GLUD1: variants seen among roughly 807,000 people sequenced by gnomAD.
GLUD1 encodes glutamate dehydrogenase 1, mitochondrial.
In GLUD1, 22 loss-of-function variants were observed where a neutral mutation model predicts 56.0. The ratio of observed to expected loss-of-function variants is 0.39; its 90% CI spans 0.28 to 0.56. The LOEUF (loss-of-function observed/expected upper bound fraction) is 0.56. Among genes scored for constraint, GLUD1 ranks in the 20% least tolerant of loss-of-function variants. The pLI, the probability that GLUD1 is intolerant of heterozygous loss-of-function variation, is 0.58. For synonymous variants in GLUD1, 223 were observed against 269.9 expected (o/e 0.83, Z 1.70); for missense variants, 451 against 732.0 (o/e 0.62, Z 4.43).
intron 1 of GLUD1, among the ~76,000 whole-genome samples, chr10:87,091,311 G>A (rs868540547): frequency 2.0e-5 from 3 of 152,082 alleles, no homozygotes; most frequent in Admixed American, 6.6e-5. Flanking sequence ...TTATCAATCT[G>A]TACTTTCCCT....
At position 87,094,085 on chromosome 10, in the gene GLUD1, T is replaced by G; in HGVS notation, c.445+240A>C. On this transcript the variant is annotated intron_variant, in intron 1 of 12. Transcript: ENST00000277865. The surrounding 1 kb of genome is among the most constrained non-coding windows in gnomAD (Gnocchi z 6.6). ...CTACTCTGCATGCAAGATCAGCATA[T>G]ACAGAGGCCCGGGGTGACGGCGCGG... 1 of 1,514,200 alleles carries G rather than the reference T, an allele frequency of 6.6e-7. No homozygotes were observed. Among genetic ancestry groups the G allele is most frequent in the Non-Finnish European group, 8.8e-7 (1 of 1,133,744 alleles). The allele number at this position is 1,514,200 out of a possible 1,614,324, so 93.8% of individuals were successfully genotyped here. A position where few individuals can be genotyped will look rare whatever the true frequency, so the allele number is the denominator to read the frequency against.
At chr10:87,059,936 CT>C (rs1845883769) in intron 9 of GLUD1, among the ~76,000 whole-genome samples, 1 of 152,102 alleles carries the variant, frequency 6.6e-6, no homozygotes, top group South Asian at 2.1e-4. Flanking sequence ...TCTTAGAAGG[CT>C]AAAGACATTC....
chr10:87,052,626 C>T (rs888051603), intron 12 of GLUD1, among the ~76,000 whole-genome samples: 1 of 136,356 alleles, frequency 7.3e-6, no homozygotes, highest in African/African-American at 2.8e-5. Flanking sequence ...GCTGAAAGTG[C>T]GCCACTGCAC....
rs985309078 is a variant in GLUD1, at chr10:87,060,549, T to TG, written c.1197+138dup. The TG allele has an allele frequency of 1.5e-5, 16 of 1,080,448 alleles. No homozygotes were observed. The African/African-American group carries it at 2.5e-4, about 17-fold the overall frequency. 66.9% of individuals were successfully genotyped at this position (1,080,448 alleles called of 1,614,324 possible). On this transcript the variant is annotated intron_variant, in intron 8 of 12. Transcript: ENST00000277865. ...AAGCCATTAAATTATGTACCTTAAATGGGGGAACTGTATGGTATGTGCAGT... is the reference window on the plus strand; with the variant it reads ...AAGCCATTAAATTATGTACCTTAAATGGGGGGAACTGTATGGTATGTGCAGT...
chr10:87,061,246 G>A, intron 6 of GLUD1, 194 bp from the exon 7 acceptor site: 1 of 703,476 alleles, frequency 1.4e-6, no homozygotes, highest in East Asian at 2.8e-5. Context: ...TGATGAGCGG[G>A]CATGGTGGCT....
chr10:87,059,562 C>A (rs1845875589), intron 9 of GLUD1, among the ~76,000 whole-genome samples: 1 of 152,120 alleles, frequency 6.6e-6, no homozygotes, highest in African/African-American at 2.4e-5. Context: ...GAAGTTAGTT[C>A]TCAGACTAAA....
At chr10:87,089,254 T>G (rs1371350367) in intron 1 of GLUD1, among the ~76,000 whole-genome samples, 1 of 152,192 alleles carries the variant, frequency 6.6e-6, no homozygotes, top group Non-Finnish European at 1.5e-5. Context: ...ACTTTTTGCA[T>G]AAATAAATCC....
chr10:87,054,682 A>C (rs1461494166), intron 11 of GLUD1, among the ~76,000 whole-genome samples: 1 of 152,226 alleles, frequency 6.6e-6, no homozygotes, highest in East Asian at 1.9e-4. Context: ...CTCTACAGGA[A>C]ACAAATGGCA....
intron 8 of GLUD1, chr10:87,060,471 AG>A: frequency 1.5e-6 from 1 of 667,166 alleles, no homozygotes; most frequent in Non-Finnish European, 2.6e-6. Flanking sequence ...CAGGAGTGTC[AG>A]GCAGATGCGT....
intron 4 of GLUD1, among the ~76,000 whole-genome samples, 160 bp from the exon 5 acceptor site, chr10:87,068,317 A>G (rs577953849): frequency 2.0e-5 from 3 of 152,266 alleles, no homozygotes; most frequent in Non-Finnish European, 4.4e-5. Context: ...TATTCATTAA[A>G]TGTTTCACTA....
At position 87,062,017 on chromosome 10, in the gene GLUD1, C is replaced by T. The variant is rs150576036; in HGVS notation, c.921+639G>A. On this transcript the variant is annotated intron_variant, in intron 6 of 12. Coordinates refer to ENST00000277865, the MANE Select transcript of GLUD1 (RefSeq NM_005271.5). ...CAGGATGGTCTTGATCTCTTGACCT[C>T]GTGATCTGCCCACCTTGGCCTCCCA... 8.1e-3 allele frequency among the ~76,000 whole-genome samples: 1,228 copies of T among 152,270 alleles called. 8 individuals are homozygous for T. Among genetic ancestry groups the T allele is most frequent in the African/African-American group, 0.028 (1,156 of 41,550 alleles).
chr10:87,079,237 A>C (rs755106360), intron 1 of GLUD1, among the ~76,000 whole-genome samples: 14 of 151,968 alleles, frequency 9.2e-5, no homozygotes, highest in African/African-American at 1.7e-4. Context: ...GGAAAAAAAA[A>C]CTGTAAATAA....
intron 1 of GLUD1, among the ~76,000 whole-genome samples, chr10:87,081,384 C>T (rs1420887545): frequency 6.0e-5 from 9 of 149,894 alleles, no homozygotes; most frequent in African/African-American, 7.4e-5. Context: ...CGCCTCTGCC[C>T]GGCCGCCCCT....
chr10:87,086,312 T>A (rs563181399), intron 1 of GLUD1, among the ~76,000 whole-genome samples: 2 of 152,300 alleles, frequency 1.3e-5, no homozygotes, highest in South Asian at 4.1e-4. Flanking sequence ...TTTCTACCAG[T>A]CTCTCAGGCT....
intron 9 of GLUD1, 49 bp downstream of exon 9, chr10:87,060,112 T>G (rs776499948): frequency 4.3e-6 from 5 of 1,151,032 alleles, no homozygotes; most frequent in Non-Finnish European, 6.6e-6. Flanking sequence ...TGCAAAAGAC[T>G]ATTATGATTC....
chr10:87,063,618 G>C (rs993829700), intron 5 of GLUD1, among the ~76,000 whole-genome samples: 5 of 151,062 alleles, frequency 3.3e-5, no homozygotes, highest in Non-Finnish European at 7.4e-5. Context: ...AATTGTCTTG[G>C]ATGGGAAGAC....
At chr10:87,067,950 T>C (rs1357622451) in intron 5 of GLUD1, 113 bp downstream of exon 5, 2 of 705,598 alleles carry the variant, frequency 2.8e-6, no homozygotes, top group African/African-American at 1.8e-5. Context: ...ATCAAGATTA[T>C]GATTGAATGA....
chr10:87,081,028 G>GC lies in GLUD1; in HGVS notation c.446-4373dup, dbSNP rs1170430246. Among the ~76,000 whole-genome samples the GC allele has an allele frequency of 1.8e-4, 21 of 115,146 alleles. 1 individual carries two copies. In the South Asian group the frequency reaches 4.8e-3, roughly 26 times the overall value. The allele number at this position is 115,146 out of a possible 152,430, so 75.5% of individuals were successfully genotyped here. Reference sequence around the variant, plus strand: ...CGTCCGGGAGGGAGGTGGGGGGTCAGCCCCCCGCCCGGCCAGCCGCCCCGT... The same window carrying GC: ...CGTCCGGGAGGGAGGTGGGGGGTCAGCCCCCCCGCCCGGCCAGCCGCCCCGT... On this transcript the variant is annotated intron_variant, in intron 1 of 12. Transcript: ENST00000277865.
Position 87,060,429 on chromosome 10 carries a change from T to G in GLUD1, c.1198-188A>C, listed in dbSNP as rs182621981. The G allele has an allele frequency of 1.9e-3, 1,171 of 601,026 alleles. 17 individuals carry two copies. In the African/African-American group the frequency reaches 0.02, roughly 10 times the overall value. 37.2% of individuals were successfully genotyped at this position (601,026 alleles called of 1,614,324 possible). ...CCTTTCACTTTTCTATTTATCTAGG[T>G]TTTTTTTTTGTTTGCTTGTTTTTTT... On this transcript the variant is annotated intron_variant, in intron 8 of 12. Coordinates refer to ENST00000277865, the MANE Select transcript of GLUD1 (RefSeq NM_005271.5).
Sources: gnomAD v4.1 joint callset for allele counts (sites outside exome capture counted in the v4.1 genomes callset) on GRCh38, gnomAD v4.1.1 for gene constraint, Gnocchi (gnomAD v3.1) non-coding constraint, MANE v1.5 for transcripts, NCBI Gene and HGNC (gene_info 2026-07-23, HGNC 2026-07-21) for gene names.